The following TUBB2B variants were observed in gnomAD, a reference collection of about 807,000 sequenced individuals.
The protein encoded by TUBB2B is tubulin beta 2B class IIb.
A neutral mutation model predicts 35.0 loss-of-function variants in TUBB2B; 5 were observed. The ratio of observed to expected loss-of-function variants is 0.14; its 90% confidence interval spans 0.07 to 0.30. The LOEUF (loss-of-function observed/expected upper bound fraction) is 0.30. Among genes scored for constraint, TUBB2B ranks in the 10% least tolerant of loss-of-function variants. The pLI is 1.00. For synonymous variants in TUBB2B, 166 were observed against 250.5 expected, an observed-to-expected ratio of 0.66 and a Z score of 3.18; for missense variants, 63 against 601.8, an observed-to-expected ratio of 0.10 and a Z score of 9.37.
rs1374914244 is a variant in TUBB2B, at chr6:3,224,695, C to T, written c.*56G>A. On this transcript the variant is annotated 3_prime_UTR_variant, in exon 4 of 4. Transcript: ENST00000259818. ...ACTGCCAGGTTATCGTCCCGGGAAGCCCCCCACCCCCTCGCTTTCCTCCTC... is the reference window on the plus strand; with the variant it reads ...ACTGCCAGGTTATCGTCCCGGGAAGTCCCCCACCCCCTCGCTTTCCTCCTC... 4 of 1,606,048 alleles carry T rather than the reference C, an allele frequency of 2.5e-6. No individual in the cohort carries two copies. In the African/African-American group the frequency reaches 4.0e-5, roughly 16 times the overall value.
rs573033347 is a variant in TUBB2B at position 3,224,331 on chromosome 6, C to T, written c.*420G>A. On this transcript the variant is annotated 3_prime_UTR_variant, in exon 4 of 4. Transcript: ENST00000259818. The stretch of plus-strand genomic sequence containing the variant: ...TTTAAAACTCAGGTTGATCTCTCAT[C>T]TTAACTGTGATTGGTTCAATTTTAC... 1.4e-4 allele frequency: 35 copies of T among 245,234 alleles called. No individual in the cohort carries two copies. The highest frequency in any genetic ancestry group is 7.6e-4 in the African/African-American group (34 of 44,554). The allele number at this position is 245,234 out of a possible 1,614,324, so 15.2% of individuals were successfully genotyped here.
At position 3,226,492 on chromosome 6, in the gene TUBB2B, G is replaced by A; in HGVS notation, c.166+69C>T. 1 of 1,419,478 alleles carries A rather than the reference G, an allele frequency of 7.0e-7. No homozygotes were observed. Among genetic ancestry groups the A allele is most frequent in the Middle Eastern group, 1.8e-4 (1 of 5,442 alleles). The allele number at this position is 1,419,478 out of a possible 1,614,324, so 87.9% of individuals were successfully genotyped here. A position where few individuals can be genotyped will look rare whatever the true frequency, so the allele number is the denominator to read the frequency against. ...CCTCTCCCAGGGCCACACCCCTGGG[G>A]TCCCACGCAAGGGAAAGGGGAGAAG... On this transcript the variant is annotated intron_variant, in intron 2 of 3. Coordinates refer to ENST00000259818, the MANE Select transcript of TUBB2B (RefSeq NM_178012.5). The surrounding 1 kb of genome is among the most constrained non-coding windows in gnomAD (Gnocchi z 5.5).
rs1757301680 is a variant in TUBB2B at position 3,227,343 on chromosome 6, G to A, written c.57+144C>T. The A allele has an allele frequency of 1.8e-6, 2 of 1,095,210 alleles. No individual in the cohort carries two copies. The highest frequency in any genetic ancestry group is 2.3e-5 in the Admixed American group (1 of 43,916). The allele number at this position is 1,095,210 out of a possible 1,614,324, so 67.8% of individuals were successfully genotyped here. On this transcript the variant is annotated intron_variant, in intron 1 of 3. Transcript: ENST00000259818. This position sits in a 1 kb window ranked among gnomAD's most constrained non-coding sequence, Gnocchi z 7.8. ...TCCGCGAAAGTCACCTCCTAGCCCA[G>A]GCCACACTCGGCGGCACAAAGCGGC...
Position 3,226,194 on chromosome 6 carries a change from A to T in TUBB2B, c.242T>A (p.Phe81Tyr). 6.2e-7 allele frequency: 1 copy of T among 1,614,136 alleles called. No individual in the cohort carries two copies. The highest frequency in any genetic ancestry group is 8.5e-7 in the Non-Finnish European group (1 of 1,180,034). Residue 81 changes from phenylalanine (F) to tyrosine (Y), a missense_variant, in exon 3 of 4, where the codon TTC becomes TAC. Physicochemically the swap from Phe to Tyr is conservative, Grantham distance 22. This residue lies in a region of TUBB2B where 25 missense variants were observed against 120.4 expected (regional missense o/e 0.21). Transcript: ENST00000259818. The surrounding 1 kb of genome is among the most constrained non-coding windows in gnomAD (Gnocchi z 5.5). ...GTMDSVRSGPFGQIFRPDNFV... is the reference protein window; with the variant it reads ...GTMDSVRSGPYGQIFRPDNFV... ...ATTGTCTGGTCTGAAGATCTGGCCG[A>T]ATGGTCCAGACCTAACCGAATCCAT...
Position 3,225,959 on chromosome 6 carries a change from A to G in TUBB2B, c.278-148T>C, listed in dbSNP as rs1414576350. ...TGGCCAAACGTTAAAATATTTGTTCATGAATATAATTATAAATAAGGAAGG... is the reference window on the plus strand; with the variant it reads ...TGGCCAAACGTTAAAATATTTGTTCGTGAATATAATTATAAATAAGGAAGG... On this transcript the variant is annotated intron_variant, in intron 3 of 3. Coordinates refer to ENST00000259818, the MANE Select transcript of TUBB2B (RefSeq NM_178012.5). 1.3e-5 allele frequency: 19 copies of G among 1,460,674 alleles called. No homozygotes were observed. The East Asian group carries it at 4.5e-4, about 34-fold the overall frequency. The allele number at this position is 1,460,674 out of a possible 1,614,324, so 90.5% of individuals were successfully genotyped here. A position where few individuals can be genotyped will look rare whatever the true frequency, so the allele number is the denominator to read the frequency against.
rs1044443326 is a variant in TUBB2B at position 3,224,535 on chromosome 6, A to G, written c.*216T>C. Reference sequence around the variant, plus strand: ...TTTATGTGATTTTAGCCATTACAACAGTAATTCAGAAATATCTCAAATGTT... The same window carrying G: ...TTTATGTGATTTTAGCCATTACAACGGTAATTCAGAAATATCTCAAATGTT... On this transcript the variant is annotated 3_prime_UTR_variant, in exon 4 of 4. Transcript: ENST00000259818. 40 of 694,340 alleles carry G rather than the reference A, an allele frequency of 5.8e-5. 1 individual carries two copies. The highest frequency in any genetic ancestry group is 9.4e-5 in the Non-Finnish European group (40 of 423,846). 43.0% of individuals were successfully genotyped at this position (694,340 alleles called of 1,614,324 possible).
chr6:3,227,593 C>T lies in TUBB2B; in HGVS notation c.-50G>A, dbSNP rs1211294967. On this transcript the variant is annotated 5_prime_UTR_variant, in exon 1 of 4. Transcript: ENST00000259818. This position sits in a 1 kb window ranked among gnomAD's most constrained non-coding sequence, Gnocchi z 7.8. Reference sequence around the variant, plus strand: ...TCCGGCGGCGTCTGGGTCTGTCCGTCCTCCCCTCACACACCCACTGCGGGG... The same window carrying T: ...TCCGGCGGCGTCTGGGTCTGTCCGTTCTCCCCTCACACACCCACTGCGGGG... 1.2e-6 allele frequency: 2 copies of T among 1,605,196 alleles called. No individual in the cohort carries two copies. The highest frequency in any genetic ancestry group is 1.7e-5 in the Admixed American group (1 of 59,460).
At position 3,227,299 on chromosome 6, in the gene TUBB2B, AAG is replaced by A. The variant is rs1757301048; in HGVS notation, c.57+186_57+187del. Among the ~76,000 whole-genome samples, 1 of 152,068 alleles carries A rather than the reference AAG, an allele frequency of 6.6e-6. No individual in the cohort carries two copies. Among genetic ancestry groups the A allele is most frequent in the African/African-American group, 2.4e-5 (1 of 41,428 alleles). ...CTCCAAATGAGTTACAGCAGAAAGA[AAG>A]AGAGGTGCCCCCTCCGTCCGCGAAA... On this transcript the variant is annotated intron_variant, in intron 1 of 3. Transcript: ENST00000259818. This position sits in a 1 kb window ranked among gnomAD's most constrained non-coding sequence, Gnocchi z 7.8.
chr6:3,227,094 G>T lies in TUBB2B; in HGVS notation c.57+393C>A, dbSNP rs1221511424. ...CACGTCCTGAGACCGCAAGACAATC[G>T]CTCTCCTCCCCTCCCCCGGCAGCTC... is the stretch of plus-strand genomic sequence containing the variant. On this transcript the variant is annotated intron_variant, in intron 1 of 3. Coordinates refer to ENST00000259818, the MANE Select transcript of TUBB2B (RefSeq NM_178012.5). This position sits in a 1 kb window ranked among gnomAD's most constrained non-coding sequence, Gnocchi z 7.8. Among the ~76,000 whole-genome samples, 1 of 152,196 alleles carries T rather than the reference G, an allele frequency of 6.6e-6. No homozygotes were observed. Among genetic ancestry groups the T allele is most frequent in the Non-Finnish European group, 1.5e-5 (1 of 68,018 alleles).
rs1757287451 is a variant in TUBB2B, at chr6:3,226,345, T to C, written c.167-76A>G. The C allele has an allele frequency of 2.2e-6, 3 of 1,334,782 alleles. No individual in the cohort carries two copies. The Admixed American group carries it at 5.5e-5, about 24-fold the overall frequency. The allele number at this position is 1,334,782 out of a possible 1,614,324, so 82.7% of individuals were successfully genotyped here. A position where few individuals can be genotyped will look rare whatever the true frequency, so the allele number is the denominator to read the frequency against. ...AAGGGCTTGGCGCCTGCTGCCATCA[T>C]GCAGATGTTGCCCCAAACAAAGGGA... On this transcript the variant is annotated intron_variant, in intron 2 of 3. Coordinates refer to ENST00000259818, the MANE Select transcript of TUBB2B (RefSeq NM_178012.5). The surrounding 1 kb of genome is among the most constrained non-coding windows in gnomAD (Gnocchi z 5.5).
In TUBB2B at chr6:3,226,355, GC is replaced by G; in HGVS notation, c.167-87del. 7.8e-7 allele frequency: 1 copy of G among 1,284,172 alleles called. No homozygotes were observed. Among genetic ancestry groups the G allele is most frequent in the Non-Finnish European group, 1.1e-6 (1 of 893,052 alleles). The allele number at this position is 1,284,172 out of a possible 1,614,324, so 79.5% of individuals were successfully genotyped here. ...CGCCTGCTGCCATCATGCAGATGTT[GC>G]CCCAAACAAAGGGAGACCCACCATC... On this transcript the variant is annotated intron_variant, in intron 2 of 3. Transcript: ENST00000259818. The surrounding 1 kb of genome is among the most constrained non-coding windows in gnomAD (Gnocchi z 5.5).
At position 3,224,590 on chromosome 6, in the gene TUBB2B, G is replaced by GA; in HGVS notation, c.*160dup. 9 of 1,062,810 alleles carry GA rather than the reference G, an allele frequency of 8.5e-6. No individual in the cohort carries two copies. The highest frequency in any genetic ancestry group is 1.2e-5 in the Non-Finnish European group (9 of 753,920). 65.8% of individuals were successfully genotyped at this position (1,062,810 alleles called of 1,614,324 possible). On this transcript the variant is annotated 3_prime_UTR_variant, in exon 4 of 4. Transcript: ENST00000259818. Reference sequence around the variant, plus strand: ...TGATGTCATCAATATTACAAAAAAGGAAAAAAAAAGTGACAGGCAACAGTG... The same window carrying GA: ...TGATGTCATCAATATTACAAAAAAGGAAAAAAAAAAGTGACAGGCAACAGTG...
Position 3,226,114 on chromosome 6 carries a change from G to A in TUBB2B, c.277+45C>T. The A allele has an allele frequency of 6.4e-7, 1 of 1,553,732 alleles. No homozygotes were observed. The highest frequency in any genetic ancestry group is 8.9e-7 in the Non-Finnish European group (1 of 1,126,938). On this transcript the variant is annotated intron_variant, in intron 3 of 3. Coordinates refer to ENST00000259818, the MANE Select transcript of TUBB2B (RefSeq NM_178012.5). This position sits in a 1 kb window ranked among gnomAD's most constrained non-coding sequence, Gnocchi z 5.5. Reference sequence around the variant, plus strand: ...ACACCTCTTCAGCCTCCACTGCCCAGCGTAAAATGAATCCCTCATGCTCTC... The same window carrying A: ...ACACCTCTTCAGCCTCCACTGCCCAACGTAAAATGAATCCCTCATGCTCTC...
At position 3,225,240 on chromosome 6, in the gene TUBB2B, C is replaced by T. The variant is rs1757273548; in HGVS notation, c.849G>A (p.Ala283=). The change falls in exon 4 of 4, where the codon GCG becomes GCA. Residue 283 remains alanine, a synonymous_variant. Coordinates refer to ENST00000259818, the MANE Select transcript of TUBB2B (RefSeq NM_178012.5). ...LTSRGSQQYR[A]LTVPELTQQM... ...GCTGGGTGAGCTCGGGCACCGTGAGCGCCCGGTACTGCTGGCTGCCCCGGC... is the reference window on the plus strand; with the variant it reads ...GCTGGGTGAGCTCGGGCACCGTGAGTGCCCGGTACTGCTGGCTGCCCCGGC... The T allele has an allele frequency of 5.0e-6, 7 of 1,389,574 alleles. No individual in the cohort carries two copies. Among genetic ancestry groups the T allele is most frequent in the Non-Finnish European group, 6.7e-6 (7 of 1,040,362 alleles). 86.1% of individuals were successfully genotyped at this position (1,389,574 alleles called of 1,614,324 possible). A position where few individuals can be genotyped will look rare whatever the true frequency, so the allele number is the denominator to read the frequency against.
rs1757286302 is a variant in TUBB2B at position 3,226,240 on chromosome 6, C to G, written c.196G>C (p.Val66Leu). The G allele has an allele frequency of 6.2e-7, 1 of 1,614,080 alleles. No homozygotes were observed. Among genetic ancestry groups the G allele is most frequent in the East Asian group, 2.2e-5 (1 of 44,886 alleles). Reference sequence around the variant, plus strand: ...TCCATCGTGCCTGGCTCCAGATCCACGAGGATGGCCCGAGGAACATATTTG... The same window carrying G: ...TCCATCGTGCCTGGCTCCAGATCCAGGAGGATGGCCCGAGGAACATATTTG... Reference protein sequence around the residue: ...GNKYVPRAILVDLEPGTMDSV... With the variant: ...GNKYVPRAILLDLEPGTMDSV... Residue 66 changes from valine to leucine, a missense_variant, in exon 3 of 4, where the codon GTG (valine) becomes CTG (leucine). Transcript: ENST00000259818. The surrounding 1 kb of genome is among the most constrained non-coding windows in gnomAD (Gnocchi z 5.5).
At position 3,224,738 on chromosome 6, in the gene TUBB2B, C is replaced by T. The variant is rs1410811768; in HGVS notation, c.*13G>A. 6.2e-7 allele frequency: 1 copy of T among 1,613,802 alleles called. No homozygotes were observed. The highest frequency in any genetic ancestry group is 1.3e-5 in the African/African-American group (1 of 74,940). On this transcript the variant is annotated 3_prime_UTR_variant, in exon 4 of 4. Transcript: ENST00000259818. ...TCCTCCTCCGCTTTCCCTAACCCGT[C>T]TCGCGGGGGCATCTACGCCTCGTCC...
At position 3,226,133 on chromosome 6, in the gene TUBB2B, T is replaced by A. The variant is rs1455680659; in HGVS notation, c.277+26A>T. On this transcript the variant is annotated intron_variant, in intron 3 of 3. Coordinates refer to ENST00000259818, the MANE Select transcript of TUBB2B (RefSeq NM_178012.5). This position sits in a 1 kb window ranked among gnomAD's most constrained non-coding sequence, Gnocchi z 5.5. The stretch of plus-strand genomic sequence containing the variant: ...TGCCCAGCGTAAAATGAATCCCTCA[T>A]GCTCTCAGCCACACCAGGCACTCAC... 6.3e-7 allele frequency: 1 copy of A among 1,595,300 alleles called. No individual in the cohort carries two copies. The highest frequency in any genetic ancestry group is 8.6e-7 in the Non-Finnish European group (1 of 1,163,848).
At position 3,227,621 on chromosome 6, in the gene TUBB2B, A is replaced by G; in HGVS notation, c.-78T>C. 8.2e-6 allele frequency: 13 copies of G among 1,575,978 alleles called. No homozygotes were observed. Among genetic ancestry groups the G allele is most frequent in the Non-Finnish European group, 9.5e-6 (11 of 1,160,368 alleles). Reference sequence around the variant, plus strand: ...CCCCTCACACACCCACTGCGGGGTCACCGGGAAGGCGCTCGGGAACCGACG... The same window carrying G: ...CCCCTCACACACCCACTGCGGGGTCGCCGGGAAGGCGCTCGGGAACCGACG... On this transcript the variant is annotated 5_prime_UTR_variant, in exon 1 of 4. Transcript: ENST00000259818. The surrounding 1 kb of genome is among the most constrained non-coding windows in gnomAD (Gnocchi z 7.8).
rs1429817032 is a variant in TUBB2B at position 3,225,255 on chromosome 6, G to A, written c.834C>T (p.Ser278=). 1 of 1,466,502 alleles carries A rather than the reference G, an allele frequency of 6.8e-7. No individual in the cohort carries two copies. Among genetic ancestry groups the A allele is most frequent in the Admixed American group, 2.1e-5 (1 of 46,946 alleles). 90.8% of individuals were successfully genotyped at this position (1,466,502 alleles called of 1,614,324 possible). Residue 278 remains serine (S), a synonymous_variant, in exon 4 of 4, where the codon AGC becomes AGT. Coordinates refer to ENST00000259818, the MANE Select transcript of TUBB2B (RefSeq NM_178012.5). ...GCACCGTGAGCGCCCGGTACTGCTG[G>A]CTGCCCCGGCTGGTCAGGGGCGCGA... ...PGFAPLTSRG[S]QQYRALTVPE...
Sources: allele counts gnomAD v4.1 joint callset (sites outside exome capture counted in the v4.1 genomes callset), GRCh38; gene constraint gnomAD v4.1.1; regional missense constraint gnomAD v4.1.1; non-coding constraint Gnocchi (gnomAD v3.1); transcripts MANE v1.5; gene names NCBI Gene and HGNC (gene_info 2026-07-23, HGNC 2026-07-21).